Variants in GRIK5 observed in about 807,000 individuals in gnomAD.
The protein encoded by GRIK5 is glutamate ionotropic receptor kainate type subunit 5, also known as glutamate receptor ionotropic, kainate 5.
A neutral mutation model predicts 97.4 loss-of-function variants in GRIK5; 43 were observed. The observed-to-expected ratio is 0.44, with a 90% confidence interval of 0.35 to 0.57. GRIK5 has a LOEUF of 0.57. Ranked by LOEUF, GRIK5 falls within the 20% of genes least tolerant of loss-of-function variation. GRIK5 has a pLI of 0.01. For missense variants in GRIK5, 1,015 were observed against 1,382.0 expected, an observed-to-expected ratio of 0.73 and a Z score of 4.21; for synonymous variants, 580 against 583.5, an observed-to-expected ratio of 0.99 and a Z score of 0.09.
Position 42,070,174 on chromosome 19 carries a change from G to A in GRIK5, c.-984C>T, listed in dbSNP as rs2076404565. 6.6e-6 allele frequency among the ~76,000 whole-genome samples: 1 copy of A among 152,154 alleles called. No individual in the cohort carries two copies. Among genetic ancestry groups the A allele is most frequent in the Admixed American group, 6.5e-5 (1 of 15,296 alleles). On this transcript the variant is annotated 5_prime_UTR_variant, in exon 1 of 20. Transcript: ENST00000593562. ...CTCCGAGGCCGCCGCCTGCCTGCCC[G>A]CCTGCCGCCTGCGCTGGGTCCTGGA...
At chr19:42,068,011 TAAA>T (rs1472487222) in intron 1 of GRIK5, among the ~76,000 whole-genome samples, 1 of 151,296 alleles carries the variant, frequency 6.6e-6, no homozygotes, top group East Asian at 1.9e-4. Context: ...CAAAGGGAGA[TAAA>T]GAAACAGCAG....
Position 41,999,363 on chromosome 19 carries a change from T to A in GRIK5, c.2515-64A>T. On this transcript the variant is annotated intron_variant, in intron 19 of 19. Transcript: ENST00000593562. The surrounding 1 kb of genome is among the most constrained non-coding windows in gnomAD (Gnocchi z 5.0). ...CGCCTCCCGCCTCCCCCAGCCCCTCTCCACATCCCACTCCTCCTCCTCCTT... is the reference window on the plus strand; with the variant it reads ...CGCCTCCCGCCTCCCCCAGCCCCTCACCACATCCCACTCCTCCTCCTCCTT... 1 of 1,236,186 alleles carries A rather than the reference T, an allele frequency of 8.1e-7. No individual in the cohort carries two copies. The highest frequency in any genetic ancestry group is 1.4e-5 in the South Asian group (1 of 70,056). 76.6% of individuals were successfully genotyped at this position (1,236,186 alleles called of 1,614,324 possible). A position where few individuals can be genotyped will look rare whatever the true frequency, so the allele number is the denominator to read the frequency against.
intron 12 of GRIK5, among the ~76,000 whole-genome samples, chr19:42,023,733 C>G (rs543556762): frequency 6.6e-6 from 1 of 152,242 alleles, no homozygotes; most frequent in Non-Finnish European, 1.5e-5. Context: ...CGAAACACTC[C>G]TCAGATCTGT....
In GRIK5 at chr19:42,022,090, C is replaced by T; in HGVS notation, c.1588-34G>A. On this transcript the variant is annotated intron_variant, in intron 13 of 19. Coordinates refer to ENST00000593562, the MANE Select transcript of GRIK5 (RefSeq NM_002088.5). This position sits in a 1 kb window ranked among gnomAD's most constrained non-coding sequence, Gnocchi z 4.2. ...AGAGGGAGTGAGACCCGGAGACACC[C>T]CTGGCCTGAGCCTCACACCCAGCCC... is the stretch of plus-strand genomic sequence containing the variant. 6.6e-7 allele frequency: 1 copy of T among 1,525,784 alleles called. No individual in the cohort carries two copies. The highest frequency in any genetic ancestry group is 9.0e-7 in the Non-Finnish European group (1 of 1,107,026). The allele number at this position is 1,525,784 out of a possible 1,614,324, so 94.5% of individuals were successfully genotyped here. A position where few individuals can be genotyped will look rare whatever the true frequency, so the allele number is the denominator to read the frequency against.
rs116968047 is a variant in GRIK5 at position 42,053,280 on chromosome 19, G to A, written c.1269+322C>T. ...TCCACAACTTCAAGATGGACACTGA[G>A]TTGGCATTGTTGATACATGTTGTTG... On this transcript the variant is annotated intron_variant, in intron 11 of 19. Transcript: ENST00000593562. Among the ~76,000 whole-genome samples, 354 of 152,320 alleles carry A rather than the reference G, an allele frequency of 2.3e-3. 5 individuals carry two copies. In the East Asian group the frequency reaches 0.031, roughly 14 times the overall value.
At chr19:42,009,538 A>G (rs1186076281) in intron 15 of GRIK5, among the ~76,000 whole-genome samples, 2 of 150,324 alleles carry the variant, frequency 1.3e-5, no homozygotes, top group Admixed American at 1.3e-4. Context: ...GAGGCCAAGG[A>G]GGGAGGATAA....
rs765252385 is a variant in GRIK5 at position 42,062,602 on chromosome 19, G to A, written c.394C>T (p.Arg132Cys). ...GGGTACAGGCTGACAGACGCGAAGC[G>A]AAGGTACTGAAGGCGGGGTGTCTCC... ...PEETPRLQYLRFASVSLYPSN... is the reference protein window; with the variant it reads ...PEETPRLQYLCFASVSLYPSN... The change falls in exon 5 of 20, where the codon CGC (arginine) becomes TGC (cysteine). Residue 132 changes from arginine (R) to cysteine (C), a missense_variant. By Grantham distance (180) the Arg-to-Cys change is radical. Coordinates refer to ENST00000593562, the MANE Select transcript of GRIK5 (RefSeq NM_002088.5). This position sits in a 1 kb window ranked among gnomAD's most constrained non-coding sequence, Gnocchi z 5.3. The A allele has an allele frequency of 6.2e-6, 10 of 1,614,168 alleles. No individual in the cohort carries two copies. The highest frequency in any genetic ancestry group is 5.0e-5 in the Admixed American group (3 of 60,032).
At chr19:42,026,452 C>T (rs2075772868) in intron 12 of GRIK5, among the ~76,000 whole-genome samples, 1 of 151,002 alleles carries the variant, frequency 6.6e-6, no homozygotes, top group African/African-American at 2.4e-5. Context: ...TGGGGTTTCA[C>T]CACGTTGGCC....
chr19:42,052,948 G>A (rs957362785), intron 11 of GRIK5, among the ~76,000 whole-genome samples: 2 of 152,238 alleles, frequency 1.3e-5, no homozygotes, highest in Non-Finnish European at 2.9e-5. Flanking sequence ...AAGGGTAGCC[G>A]TGAGGTCTAA....
chr19:42,050,241 C>T (rs1486046928), intron 11 of GRIK5, among the ~76,000 whole-genome samples: 1 of 152,048 alleles, frequency 6.6e-6, no homozygotes, highest in African/African-American at 2.4e-5. Flanking sequence ...GCTAGGAATA[C>T]TTTAATCCCC....
chr19:42,037,333 C>T (rs549916345), intron 12 of GRIK5, among the ~76,000 whole-genome samples: 17 of 152,304 alleles, frequency 1.1e-4, no homozygotes, highest in Non-Finnish European at 1.8e-4. Context: ...GTGGTGCATT[C>T]CTATAATCCC....
At position 42,065,697 on chromosome 19, in the gene GRIK5, C is replaced by T. The variant is rs944611856; in HGVS notation, c.74G>A (p.Arg25His). Reference sequence around the variant, plus strand: ...AGGGTGCGGGAGGGCCTCACCCATGCGCAGTGATGAGAGCACCTGGCAGCT... The same window carrying T: ...AGGGTGCGGGAGGGCCTCACCCATGTGCAGTGATGAGAGCACCTGGCAGCT... ...SPSCQVLSSLRMAAILDDQTV... is the reference protein window; with the variant it reads ...SPSCQVLSSLHMAAILDDQTV... The change falls in exon 2 of 20, where the codon CGC becomes CAC. Residue 25 changes from arginine to histidine, a missense_variant. By Grantham distance (29) the Arg-to-His change is conservative. Coordinates refer to ENST00000593562, the MANE Select transcript of GRIK5 (RefSeq NM_002088.5). The surrounding 1 kb of genome is among the most constrained non-coding windows in gnomAD (Gnocchi z 5.8). The T allele has an allele frequency of 5.7e-6, 9 of 1,588,294 alleles. No homozygotes were observed. The highest frequency in any genetic ancestry group is 2.3e-5 in the East Asian group (1 of 43,396).
At chr19:42,013,172 A>AGT (rs1214487212) in intron 15 of GRIK5, among the ~76,000 whole-genome samples, 1 of 151,022 alleles carries the variant, frequency 6.6e-6, no homozygotes, top group Admixed American at 6.6e-5. Flanking sequence ...TGGGCAACAA[A>AGT]GTAAGAACTC....
In GRIK5 at chr19:42,069,986, G is replaced by A. The variant is rs969202871; in HGVS notation, c.-796C>T. Reference sequence around the variant, plus strand: ...AGAGGAGCAGGTGGAAGAGAAAGGCGGAGGAGGGTGGGGTGTCCCAGGGGC... The same window carrying A: ...AGAGGAGCAGGTGGAAGAGAAAGGCAGAGGAGGGTGGGGTGTCCCAGGGGC... On this transcript the variant is annotated 5_prime_UTR_variant, in exon 1 of 20. Transcript: ENST00000593562. Among the ~76,000 whole-genome samples the A allele has an allele frequency of 4.6e-5, 7 of 152,256 alleles. No individual in the cohort carries two copies. The highest frequency in any genetic ancestry group is 2.6e-4 in the Admixed American group (4 of 15,310).
rs2075701722 is a variant in GRIK5 at position 42,021,842 on chromosome 19, AG to A, written c.1697+104del. The A allele has an allele frequency of 5.7e-6, 4 of 700,046 alleles. No individual in the cohort carries two copies. The highest frequency in any genetic ancestry group is 2.7e-5 in the Admixed American group (1 of 37,670). The allele number at this position is 700,046 out of a possible 1,614,324, so 43.4% of individuals were successfully genotyped here. ...GGGCACAGGGAATCCGAGGCCCCAA[AG>A]GGGAGGCCAAGGACAGTTCCGAGAG... On this transcript the variant is annotated intron_variant, in intron 14 of 19. Transcript: ENST00000593562. The surrounding 1 kb of genome is among the most constrained non-coding windows in gnomAD (Gnocchi z 4.2).
chr19:42,065,483 T>C lies in GRIK5; in HGVS notation c.80-96A>G. 2.3e-6 allele frequency: 3 copies of C among 1,303,530 alleles called. No homozygotes were observed. Among genetic ancestry groups the C allele is most frequent in the Non-Finnish European group, 3.1e-6 (3 of 953,206 alleles). 80.7% of individuals were successfully genotyped at this position (1,303,530 alleles called of 1,614,324 possible). A position where few individuals can be genotyped will look rare whatever the true frequency, so the allele number is the denominator to read the frequency against. ...CCAGGGCTCTAGGGTGAGGTGGGTA[T>C]ACGGACCAGGGGTCTAGACACCTGG... On this transcript the variant is annotated intron_variant, in intron 2 of 19. Transcript: ENST00000593562. The surrounding 1 kb of genome is among the most constrained non-coding windows in gnomAD (Gnocchi z 5.8).
In GRIK5 at chr19:42,022,590, C is replaced by T. The variant is rs373459216; in HGVS notation, c.1474-236G>A. On this transcript the variant is annotated intron_variant, in intron 12 of 19. Coordinates refer to ENST00000593562, the MANE Select transcript of GRIK5 (RefSeq NM_002088.5). This position sits in a 1 kb window ranked among gnomAD's most constrained non-coding sequence, Gnocchi z 4.2. ...ACGTCTCCAGACACACTGACTCCGT[C>T]CCCTAGGCCTCAACTGTGTCCCAGC... 6.1e-6 allele frequency: 6 copies of T among 985,136 alleles called. 1 individual carries two copies. Among genetic ancestry groups the T allele is most frequent in the East Asian group, 2.3e-4 (2 of 8,790 alleles). The allele number at this position is 985,136 out of a possible 1,614,324, so 61.0% of individuals were successfully genotyped here.
intron 15 of GRIK5, among the ~76,000 whole-genome samples, chr19:42,008,963 A>G (rs1189959170): frequency 6.6e-6 from 1 of 152,206 alleles, no homozygotes; most frequent in Non-Finnish European, 1.5e-5. Context: ...ACAGTAGCTC[A>G]TGCCTGTAAT....
intron 15 of GRIK5, among the ~76,000 whole-genome samples, chr19:42,016,945 T>C (rs2075631992): frequency 6.6e-6 from 1 of 152,180 alleles, no homozygotes; most frequent in South Asian, 2.1e-4. Context: ...AGTTTTTTTT[T>C]TTTGCATGAT....
Sources: gnomAD v4.1 joint callset for allele counts (sites outside exome capture counted in the v4.1 genomes callset) on GRCh38, gnomAD v4.1.1 for gene constraint, Gnocchi (gnomAD v3.1) non-coding constraint, MANE v1.5 for transcripts, NCBI Gene and HGNC (gene_info 2026-07-23, HGNC 2026-07-21) for gene names.